The following PDE10A variants were observed in gnomAD, a reference collection of about 807,000 sequenced individuals.
PDE10A encodes cAMP and cAMP-inhibited cGMP 3',5'-cyclic phosphodiesterase 10A.
A neutral mutation model predicts 97.7 loss-of-function variants in PDE10A; 39 were observed. That is an observed-to-expected ratio of 0.40 (90% CI 0.31 to 0.52). The LOEUF (loss-of-function observed/expected upper bound fraction) is 0.52. Among genes scored for constraint, PDE10A ranks in the 20% least tolerant of loss-of-function variants. The pLI is 0.56. For missense variants in PDE10A, 731 were observed against 1,047.8 expected (o/e 0.70, Z 4.17); for synonymous variants, 371 against 376.8 (o/e 0.98, Z 0.18).
At chr6:165,796,926 C>CACTTA (rs1178822409) in intron 1 of PDE10A, among the ~76,000 whole-genome samples, 1 of 152,178 alleles carries the variant, frequency 6.6e-6, no homozygotes, top group Non-Finnish European at 1.5e-5. Flanking sequence ...CTCATGGTAC[C>CACTTA]ACTTAACTTA....
At chr6:165,875,686 G>T (rs1781313790) in intron 1 of PDE10A, among the ~76,000 whole-genome samples, 1 of 143,836 alleles carries the variant, frequency 7.0e-6, no homozygotes, top group Non-Finnish European at 1.5e-5. Context: ...CATTCACAGT[G>T]ATATTTTTAT....
At chr6:165,628,533 T>G (rs1404654518) in intron 1 of PDE10A, among the ~76,000 whole-genome samples, 1 of 152,110 alleles carries the variant, frequency 6.6e-6, no homozygotes, top group African/African-American at 2.4e-5. Flanking sequence ...TTTTTATTTT[T>G]TAATATTTTT....
intron 13 of PDE10A, among the ~76,000 whole-genome samples, chr6:165,399,604 T>G (rs220787): frequency 0.21 from 28,790 of 139,260 alleles, 2,953 homozygotes; most frequent in Middle Eastern, 0.31. Flanking sequence ...GGCCCCAGTG[T>G]GTGATGTTCC....
chr6:165,799,162 G>C (rs911299518), intron 1 of PDE10A, among the ~76,000 whole-genome samples: 1 of 152,206 alleles, frequency 6.6e-6, no homozygotes, highest in South Asian at 2.1e-4. Flanking sequence ...GGATTCCCAT[G>C]GTGGCCAGCA....
chr6:165,517,887 T>G (rs977683031), intron 2 of PDE10A, among the ~76,000 whole-genome samples: 2 of 152,244 alleles, frequency 1.3e-5, no homozygotes, highest in Non-Finnish European at 2.9e-5. Flanking sequence ...GTTTTTAATA[T>G]ATACAGCTAT....
intron 1 of PDE10A, among the ~76,000 whole-genome samples, chr6:165,935,288 G>C (rs1783286870): frequency 6.6e-6 from 1 of 152,194 alleles, no homozygotes; most frequent in African/African-American, 2.4e-5. Flanking sequence ...AGGACAAAGT[G>C]ATTCCAAGGA....
chr6:165,594,720 G>C (rs1467413349), intron 1 of PDE10A, among the ~76,000 whole-genome samples: 1 of 152,140 alleles, frequency 6.6e-6, no homozygotes, highest in Non-Finnish European at 1.5e-5. Context: ...TCGTTCCATG[G>C]ATTACTCATC....
At chr6:165,903,781 A>G (rs908312114) in intron 1 of PDE10A, among the ~76,000 whole-genome samples, 1 of 152,180 alleles carries the variant, frequency 6.6e-6, no homozygotes, top group African/African-American at 2.4e-5. Context: ...TTAGCAACAG[A>G]GAAATAGAGA....
Position 165,658,149 on chromosome 6 carries a change from G to T in PDE10A, c.865+3798C>A, listed in dbSNP as rs1583733186. On this transcript the variant is annotated intron_variant, in intron 1 of 21. Transcript: ENST00000539869. The stretch of plus-strand genomic sequence containing the variant: ...AGAAGTTAATGGCGAGTCTAGTGTA[G>T]TTTGTACGTGTTAAACACATTTGCT... Among the ~76,000 whole-genome samples, 4 of 152,278 alleles carry T rather than the reference G, an allele frequency of 2.6e-5. No individual in the cohort carries two copies. The South Asian group carries it at 8.3e-4, about 32-fold the overall frequency.
At chr6:165,619,199 G>GAAGTC (rs1787903637) in intron 1 of PDE10A, among the ~76,000 whole-genome samples, 1 of 103,584 alleles carries the variant, frequency 9.7e-6, no homozygotes, top group African/African-American at 6.6e-5. Flanking sequence ...CTAGTGTAGT[G>GAAGTC]TAATGTAGTG....
intron 3 of PDE10A, among the ~76,000 whole-genome samples, chr6:165,475,768 A>T (rs1408714011): frequency 2.6e-5 from 4 of 152,234 alleles, no homozygotes; most frequent in Admixed American, 2.6e-4. Context: ...TTCTTTTGAA[A>T]CTTGGCATAC....
At chr6:165,633,449 G>A (rs111385240) in intron 1 of PDE10A, among the ~76,000 whole-genome samples, 1,544 of 152,038 alleles carry the variant, frequency 0.01, 28 homozygotes, top group African/African-American at 0.035. Flanking sequence ...AAATTACAGA[G>A]TAGAAAAAAA....
upstream of PDE10A, among the ~76,000 whole-genome samples, chr6:165,664,450 C>T (rs1790444892): frequency 6.6e-6 from 1 of 152,158 alleles, no homozygotes; most frequent in Non-Finnish European, 1.5e-5. Context: ...CAGTAAAGTC[C>T]ACAGACGTCT....
intron 2 of PDE10A, among the ~76,000 whole-genome samples, chr6:165,539,007 T>C (rs1481406377): frequency 3.3e-5 from 5 of 152,200 alleles, no homozygotes; most frequent in Non-Finnish European, 5.9e-5. Context: ...AATGAATGTA[T>C]AGTCGTTTGA....
At chr6:165,987,799 A>G in exon 1 of PDE10A, 1 of 448,810 alleles carries the variant, frequency 2.2e-6, no homozygotes, top group South Asian at 1.6e-5. Context: ...ATCTTCTCGC[A>G]AAAGGCGAGT....
intron 1 of PDE10A, among the ~76,000 whole-genome samples, chr6:165,776,003 T>G (rs919079824): frequency 6.6e-6 from 1 of 152,218 alleles, no homozygotes; most frequent in Non-Finnish European, 1.5e-5. Context: ...AGTTTTCAAG[T>G]GATTTTATTC....
At chr6:165,536,437 C>A (rs1188171587) in intron 2 of PDE10A, among the ~76,000 whole-genome samples, 1 of 151,780 alleles carries the variant, frequency 6.6e-6, no homozygotes, top group Non-Finnish European at 1.5e-5. Context: ...AAAGCACAGG[C>A]AACCAAAGCA....
Position 165,715,737 on chromosome 6 carries a change from G to A in PDE10A, c.-614-172169C>T, listed in dbSNP as rs2040010906. On this transcript the variant is annotated intron_variant, in intron 1 of 19. Transcript: ENST00000366882. ...AAGACAGCATGTTACCTGCTGCATA[G>A]AAAGCAAAGGACCCTCAATCACTCG... Among the ~76,000 whole-genome samples, 3 of 152,190 alleles carry A rather than the reference G, an allele frequency of 2.0e-5. 1 individual carries two copies. In the South Asian group the frequency reaches 6.2e-4, roughly 31 times the overall value.
chr6:165,947,769 A>G (rs558297918), intron 1 of PDE10A, among the ~76,000 whole-genome samples: 1 of 152,262 alleles, frequency 6.6e-6, no homozygotes, highest in East Asian at 1.9e-4. Flanking sequence ...CTTTTGGCCA[A>G]CAGGAAGGGG....
Sources: allele counts gnomAD v4.1 joint callset (sites outside exome capture counted in the v4.1 genomes callset), GRCh38; gene constraint gnomAD v4.1.1; transcripts MANE v1.5; gene names NCBI Gene and HGNC (gene_info 2026-07-23, HGNC 2026-07-21).